The following TMEM50B variants were observed in gnomAD, a reference collection of about 807,000 sequenced individuals.
TMEM50B encodes HCV p7-trans-regulated protein 3.
TMEM50B carries 14 observed loss-of-function variants against 23.4 expected under a neutral mutation model. The observed-to-expected ratio is 0.60, with a 90% CI of 0.39 to 0.93. The LOEUF (loss-of-function observed/expected upper bound fraction) is 0.93. Ranked by LOEUF, TMEM50B falls within the 40% of genes least tolerant of loss-of-function variation. The pLI, the probability that TMEM50B is intolerant of heterozygous loss-of-function variation, is 0.00. For synonymous variants in TMEM50B, 64 were observed against 62.3 expected, an observed-to-expected ratio of 1.03 and a Z score of -0.13; for missense variants, 159 against 193.0, an observed-to-expected ratio of 0.82 and a Z score of 1.04.
At chr21:33,466,103 T>C (rs764341170) in intron 3 of TMEM50B, among the ~76,000 whole-genome samples, 1 of 151,812 alleles carries the variant, frequency 6.6e-6, no homozygotes, top group Non-Finnish European at 1.5e-5. Flanking sequence ...CTACTAAAAA[T>C]ACAAAAAATT....
At chr21:33,441,229 CA>C (rs1177193478) in intron 7 of TMEM50B, among the ~76,000 whole-genome samples, 40 of 141,756 alleles carry the variant, frequency 2.8e-4, no homozygotes, top group Admixed American at 2.8e-4. Context: ...GAATCTGTCT[CA>C]AAAAAAAAAA....
At chr21:33,451,844 C>CAG (rs61422135) in intron 6 of TMEM50B, among the ~76,000 whole-genome samples, 88,982 of 151,796 alleles carry the variant, frequency 0.59, 28,128 homozygotes, top group East Asian at 0.83. Context: ...AGGCCAAGAA[C>CAG]AGCTTTAAGA....
chr21:33,437,365 A>C, intron 8 of TMEM50B: 1 of 198,510 alleles, frequency 5.0e-6, no homozygotes, highest in African/African-American at 2.4e-5. Flanking sequence ...AGGTCACACA[A>C]CCTGTCCCAG....
intron 1 of TMEM50B, among the ~76,000 whole-genome samples, chr21:33,470,209 C>T (rs529022427): frequency 2.6e-5 from 4 of 152,042 alleles, no homozygotes; most frequent in Non-Finnish European, 5.9e-5. Context: ...TGGTGGCTCA[C>T]GCCTATAATC....
In TMEM50B at chr21:33,474,208, G is replaced by GT. The variant is rs545060703; in HGVS notation, c.-41-5283dup. 2.2e-4 allele frequency among the ~76,000 whole-genome samples: 33 copies of GT among 148,126 alleles called. 1 individual carries two copies. Among genetic ancestry groups the GT allele is most frequent in the Admixed American group, 3.4e-4 (5 of 14,826 alleles). ...GGGGGCAGGGGAGGGGGTTGTTGTT[G>GT]TTTTTTTTAAGAGAGACAGGGTTTC... On this transcript the variant is annotated intron_variant, in intron 1 of 6. Coordinates refer to ENST00000542230, the MANE Select transcript of TMEM50B (RefSeq NM_006134.7).
chr21:33,477,706 G>C (rs2084386779), intron 1 of TMEM50B, among the ~76,000 whole-genome samples: 1 of 151,486 alleles, frequency 6.6e-6, no homozygotes, highest in Non-Finnish European at 1.5e-5. Flanking sequence ...GTTTACTTGG[G>C]AGGCTGAGAC....
intron 4 of TMEM50B, among the ~76,000 whole-genome samples, chr21:33,462,826 T>G (rs554897180): frequency 6.6e-6 from 1 of 152,362 alleles, no homozygotes; most frequent in South Asian, 2.1e-4. Flanking sequence ...ACATTACTGC[T>G]GAGGCTGACA....
At chr21:33,444,430 A>C (rs1257677090), downstream of TMEM50B, among the ~76,000 whole-genome samples, 1 of 152,022 alleles carries the variant, frequency 6.6e-6, no homozygotes, top group African/African-American at 2.4e-5. Flanking sequence ...CTGTAGTCCA[A>C]GCTACTCAGG....
intron 8 of TMEM50B, among the ~76,000 whole-genome samples, chr21:33,435,132 T>A (rs1431950439): frequency 1.3e-5 from 2 of 152,226 alleles, no homozygotes; most frequent in Non-Finnish European, 2.9e-5. Context: ...ACTAGATTCT[T>A]GGTAACTTGG....
intron 6 of TMEM50B, among the ~76,000 whole-genome samples, chr21:33,451,568 G>T (rs2084120542): frequency 6.6e-6 from 1 of 152,106 alleles, no homozygotes; most frequent in Non-Finnish European, 1.5e-5. Flanking sequence ...AAAGAAGAGG[G>T]GGAATTATCT....
downstream of TMEM50B, among the ~76,000 whole-genome samples, chr21:33,448,341 C>T (rs1365762304): frequency 6.6e-6 from 1 of 152,068 alleles, no homozygotes; most frequent in Non-Finnish European, 1.5e-5. Context: ...AAGTGATTTG[C>T]TCACAACTAA....
chr21:33,465,269 A>T, intron 4 of TMEM50B, 73 bp downstream of exon 4: 2 of 1,128,506 alleles, frequency 1.8e-6, no homozygotes, highest in Non-Finnish European at 2.7e-6. Flanking sequence ...ATAAAGACTC[A>T]CAAGAGAGGC....
chr21:33,432,660 G>T, exon 9 of TMEM50B: 1 of 1,591,018 alleles, frequency 6.3e-7, no homozygotes, highest in Non-Finnish European at 8.6e-7. Context: ...ATTAACTGAT[G>T]TTTGTGTTGT....
intron 1 of TMEM50B, among the ~76,000 whole-genome samples, chr21:33,475,923 C>T (rs996270522): frequency 1.3e-5 from 2 of 151,894 alleles, no homozygotes; most frequent in African/African-American, 2.4e-5. Context: ...CACTGCACTC[C>T]GGCCTGGGCA....
At chr21:33,448,771 A>C (rs2084089566), downstream of TMEM50B, 1 of 152,024 alleles carries the variant, frequency 6.6e-6, no homozygotes, top group Non-Finnish European at 1.5e-5. Context: ...ACCAGACATA[A>C]TGACACGTAC....
chr21:33,478,510 C>A (rs1042212173), intron 1 of TMEM50B, among the ~76,000 whole-genome samples: 2 of 152,120 alleles, frequency 1.3e-5, no homozygotes, highest in East Asian at 3.8e-4. Flanking sequence ...ACGATAAATT[C>A]TTTACCTTGG....
intron 1 of TMEM50B, among the ~76,000 whole-genome samples, chr21:33,472,309 G>A (rs1365221391): frequency 3.3e-5 from 5 of 151,940 alleles, no homozygotes; most frequent in Non-Finnish European, 7.4e-5. Flanking sequence ...CCTGAACCCA[G>A]GAGGCGGAGG....
rs1014474201 is a variant in TMEM50B, at chr21:33,455,643, T to C, written c.431+84A>G. The C allele has an allele frequency of 4.4e-6, 5 of 1,134,934 alleles. No individual in the cohort carries two copies. In the African/African-American group the frequency reaches 6.2e-5, roughly 14 times the overall value. 70.3% of individuals were successfully genotyped at this position (1,134,934 alleles called of 1,614,324 possible). A position where few individuals can be genotyped will look rare whatever the true frequency, so the allele number is the denominator to read the frequency against. On this transcript the variant is annotated intron_variant, in intron 6 of 6. Coordinates refer to ENST00000542230, the MANE Select transcript of TMEM50B (RefSeq NM_006134.7). ...CATTGTAACCAATCCATGGGATTTA[T>C]ATGTGTTCCATATATATGCTGCCTT...
intron 7 of TMEM50B, among the ~76,000 whole-genome samples, chr21:33,439,708 C>T (rs1175770741): frequency 1.3e-5 from 2 of 151,546 alleles, no homozygotes; most frequent in African/African-American, 4.8e-5. Context: ...AATGAAATGC[C>T]TCATTCTCCT....
Sources: gnomAD v4.1 joint callset for allele counts (sites outside exome capture counted in the v4.1 genomes callset) on GRCh38, gnomAD v4.1.1 for gene constraint, MANE v1.5 for transcripts, NCBI Gene and HGNC (gene_info 2026-07-23, HGNC 2026-07-21) for gene names.